Variants in KCND2 observed in about 807,000 individuals in gnomAD.
The protein encoded by KCND2 is A-type voltage-gated potassium channel KCND2.
KCND2 carries 16 observed loss-of-function variants against 54.4 expected under a neutral mutation model. The observed-to-expected ratio is 0.29, with a 90% CI of 0.20 to 0.45. The LOEUF is 0.45. Ranked by LOEUF, KCND2 falls within the 20% of genes least tolerant of loss-of-function variation. The pLI is 1.00. For synonymous variants in KCND2, 317 were observed against 310.7 expected (o/e 1.02, Z -0.21); for missense variants, 486 against 824.2 (o/e 0.59, Z 5.02).
At chr7:120,719,817 T>A (rs985844488) in intron 1 of KCND2, among the ~76,000 whole-genome samples, 2 of 152,160 alleles carry the variant, frequency 1.3e-5, no homozygotes, top group African/African-American at 4.8e-5. Flanking sequence ...AAAATATGGC[T>A]TTAATTTATT....
intron 1 of KCND2, among the ~76,000 whole-genome samples, chr7:120,550,298 C>A (rs1792090305): frequency 6.6e-6 from 1 of 151,990 alleles, no homozygotes; most frequent in Non-Finnish European, 1.5e-5. Context: ...ATTATTATTT[C>A]TATTTTACCA....
At chr7:120,323,412 A>G (rs1399462427) in intron 1 of KCND2, among the ~76,000 whole-genome samples, 5 of 151,922 alleles carry the variant, frequency 3.3e-5, no homozygotes, top group Non-Finnish European at 5.9e-5. Context: ...CTCGTCATCT[A>G]GCATTAGGTG....
At position 120,398,026 on chromosome 7, in the gene KCND2, T is replaced by C. The variant is rs938961578; in HGVS notation, c.1115+122279T>C. ...ATATATATATATATATATATATATATATATATATATATTTGCTCTTTTTCC... is the reference window on the plus strand; with the variant it reads ...ATATATATATATATATATATATATACATATATATATATTTGCTCTTTTTCC... On this transcript the variant is annotated intron_variant, in intron 1 of 5. Coordinates refer to ENST00000331113, the MANE Select transcript of KCND2 (RefSeq NM_012281.3). Among the ~76,000 whole-genome samples the C allele has an allele frequency of 2.3e-5, 3 of 130,662 alleles. No homozygotes were observed. In the East Asian group the frequency reaches 8.9e-4, roughly 39 times the overall value. 85.7% of individuals were successfully genotyped at this position (130,662 alleles called of 152,430 possible).
intron 1 of KCND2, among the ~76,000 whole-genome samples, chr7:120,714,544 A>G (rs1486437470): frequency 1.3e-5 from 2 of 152,136 alleles, no homozygotes; most frequent in East Asian, 3.9e-4. Flanking sequence ...ATAATAAAAC[A>G]TCAGCACTAT....
intron 2 of KCND2, among the ~76,000 whole-genome samples, chr7:120,738,758 T>C (rs2116165905): frequency 6.6e-6 from 1 of 152,144 alleles, no homozygotes; most frequent in Admixed American, 6.6e-5. Flanking sequence ...AATTACATAA[T>C]TGGTGCTGCC....
At chr7:120,580,906 G>A (rs144696155) in intron 1 of KCND2, among the ~76,000 whole-genome samples, 2 of 152,130 alleles carry the variant, frequency 1.3e-5, no homozygotes, top group Non-Finnish European at 2.9e-5. Context: ...CTTAGTGTAA[G>A]GATAGTTGAA....
intron 1 of KCND2, among the ~76,000 whole-genome samples, chr7:120,673,868 C>G (rs1475812086): frequency 1.3e-5 from 2 of 151,760 alleles, no homozygotes; most frequent in African/African-American, 4.8e-5. Flanking sequence ...TTCCTTCATG[C>G]CTTTTTCCAG....
intron 1 of KCND2, among the ~76,000 whole-genome samples, chr7:120,397,387 T>A (rs1054661032): frequency 2.0e-5 from 3 of 152,030 alleles, no homozygotes; most frequent in African/African-American, 7.2e-5. Context: ...TCCACTGATA[T>A]AGTTAAGGTC....
At chr7:120,275,779 T>A in intron 1 of KCND2, 32 bp downstream of exon 1, 1 of 1,598,612 alleles carries the variant, frequency 6.3e-7, no homozygotes, top group Non-Finnish European at 8.5e-7. Context: ...GGGATGGAGG[T>A]TGGGTATGGG....
intron 1 of KCND2, among the ~76,000 whole-genome samples, chr7:120,706,832 T>C (rs1196346362): frequency 1.3e-5 from 2 of 152,166 alleles, no homozygotes; most frequent in African/African-American, 4.8e-5. Flanking sequence ...GTATACTTAG[T>C]GCTCACCACT....
At chr7:120,692,259 C>T (rs556379120) in intron 1 of KCND2, among the ~76,000 whole-genome samples, 7 of 152,280 alleles carry the variant, frequency 4.6e-5, no homozygotes, top group Admixed American at 3.3e-4. Flanking sequence ...TACATGAAGT[C>T]CATCTCCTAG....
At chr7:120,597,973 G>A (rs927069867) in intron 1 of KCND2, among the ~76,000 whole-genome samples, 11 of 151,838 alleles carry the variant, frequency 7.2e-5, no homozygotes, top group Non-Finnish European at 1.3e-4. Flanking sequence ...GGCCTGGAGT[G>A]GGAGATTTGT....
chr7:120,702,483 A>G (rs1792415569), intron 1 of KCND2, among the ~76,000 whole-genome samples: 1 of 152,310 alleles, frequency 6.6e-6, no homozygotes, highest in Non-Finnish European at 1.5e-5. Context: ...ATAAAGACAC[A>G]TGCACGTGAA....
intron 1 of KCND2, among the ~76,000 whole-genome samples, chr7:120,467,166 T>C (rs1161362576): frequency 6.6e-6 from 1 of 152,098 alleles, no homozygotes; most frequent in African/African-American, 2.4e-5. Flanking sequence ...CCTAACACTG[T>C]ATATTAAAAA....
chr7:120,736,600 A>G (rs901053483), intron 2 of KCND2, among the ~76,000 whole-genome samples: 1 of 152,034 alleles, frequency 6.6e-6, no homozygotes, highest in South Asian at 2.1e-4. Context: ...ACCTGTGAGT[A>G]ATTATCATAT....
intron 1 of KCND2, among the ~76,000 whole-genome samples, chr7:120,552,805 T>C (rs1056534128): frequency 2.4e-4 from 36 of 152,220 alleles, no homozygotes; most frequent in African/African-American, 8.4e-4. Context: ...CAGGACACCA[T>C]ATTTTTGGGT....
At chr7:120,646,244 C>A (rs935907579) in intron 1 of KCND2, among the ~76,000 whole-genome samples, 1 of 152,156 alleles carries the variant, frequency 6.6e-6, no homozygotes, top group African/African-American at 2.4e-5. Flanking sequence ...GAAAAACATT[C>A]ATCTCTGCAA....
At position 120,689,903 on chromosome 7, in the gene KCND2, T is replaced by C. The variant is rs140459254; in HGVS notation, c.1116-43000T>C. ...GGCTTCTCATTCCTCTCTATCAGTA[T>C]TGGGGAGTTGAAACACTTACAGAGT... On this transcript the variant is annotated intron_variant, in intron 1 of 5. Transcript: ENST00000331113. Among the ~76,000 whole-genome samples, 325 of 152,290 alleles carry C rather than the reference T, an allele frequency of 2.1e-3. 2 individuals are homozygous for C. Among genetic ancestry groups the C allele is most frequent in the Non-Finnish European group, 3.6e-3 (244 of 68,008 alleles).
chr7:120,309,760 C>T (rs796990408), intron 1 of KCND2, among the ~76,000 whole-genome samples: 4 of 152,030 alleles, frequency 2.6e-5, no homozygotes, highest in African/African-American at 9.7e-5. Context: ...AATCCAATCT[C>T]TGATCTTGTC....
Sources: gnomAD v4.1 joint callset for allele counts (sites outside exome capture counted in the v4.1 genomes callset) on GRCh38, gnomAD v4.1.1 for gene constraint, MANE v1.5 for transcripts, NCBI Gene and HGNC (gene_info 2026-07-23, HGNC 2026-07-21) for gene names.